Variants in DMD observed in about 807,000 individuals in gnomAD.
DMD encodes dystrophin.
A neutral mutation model predicts 330.1 loss-of-function variants in DMD; 63 were observed. The ratio of observed to expected loss-of-function variants is 0.19; its 90% confidence interval spans 0.16 to 0.24. The LOEUF is 0.24. Ranked by LOEUF, DMD falls within the 10% of genes least tolerant of loss-of-function variation. DMD has a pLI of 1.00. For missense variants in DMD, 3,344 were observed against 2,684.1 expected (o/e 1.25, Z -5.43); for synonymous variants, 1,223 against 959.8 (o/e 1.27, Z -5.07).
Position 31,689,680 on chromosome X carries a change from G to A in DMD, c.7661-10094C>T, listed in dbSNP as rs188462550. Among the ~76,000 whole-genome samples the A allele has an allele frequency of 2.0e-3, 222 of 111,237 alleles. 1 individual carries two copies. Among genetic ancestry groups the A allele is most frequent in the Non-Finnish European group, 3.3e-3 (173 of 53,025 alleles). On this transcript the variant is annotated intron_variant, in intron 52 of 78. Transcript: ENST00000357033. ...TTGCCAAGACAATCCTGAGCCAAAA[G>A]AACAAAGCTGGAGGCATCACGCTAC...
chrX:31,386,360 G>A (rs940464546), intron 60 of DMD, among the ~76,000 whole-genome samples: 22 of 111,139 alleles, frequency 2.0e-4, no homozygotes, highest in African/African-American at 6.5e-4. Flanking sequence ...ATGTACCCTA[G>A]AACTTAAACT....
rs1044196642 is a variant in DMD at position 31,341,484 on chromosome X, C to T, written c.9163+7072G>A. Among the ~76,000 whole-genome samples, 7 of 111,940 alleles carry T rather than the reference C, an allele frequency of 6.3e-5. No homozygotes were observed. The East Asian group carries it at 1.4e-3, about 22-fold the overall frequency. On this transcript the variant is annotated intron_variant, in intron 61 of 78. Coordinates refer to ENST00000357033, the MANE Select transcript of DMD (RefSeq NM_004006.3). ...TCATTTTACAGCTTTTACTCTTAAC[C>T]GCTATCGATACCATTTTGATAAGGC...
intron 7 of DMD, among the ~76,000 whole-genome samples, chrX:32,776,310 G>T (rs1452803422): frequency 9.4e-6 from 1 of 105,899 alleles, no homozygotes; most frequent in Non-Finnish European, 1.9e-5. Context: ...TCCAACCTCT[G>T]CCAGTTACCC....
chrX:32,732,671 A>G (rs1569497119), intron 7 of DMD, among the ~76,000 whole-genome samples: 2 of 111,131 alleles, frequency 1.8e-5, no homozygotes, highest in Non-Finnish European at 3.8e-5. Flanking sequence ...TAAGCTTCAT[A>G]AGTAAAGGAG....
At chrX:32,524,667 AT>A (rs1359916746) in intron 17 of DMD, among the ~76,000 whole-genome samples, 1 of 112,374 alleles carries the variant, frequency 8.9e-6, no homozygotes, top group African/African-American at 3.2e-5. Flanking sequence ...GTCTGTGAAG[AT>A]TTTAAGGGAG....
At chrX:32,437,542 C>T (rs767792579) in intron 29 of DMD, among the ~76,000 whole-genome samples, 2 of 112,121 alleles carry the variant, frequency 1.8e-5, no homozygotes, top group Non-Finnish European at 3.8e-5. Flanking sequence ...AAATCAGTAA[C>T]TCTTCCTTAA....
chrX:32,421,683 C>T (rs1468457461), intron 29 of DMD, among the ~76,000 whole-genome samples: 1 of 111,719 alleles, frequency 9.0e-6, no homozygotes, highest in East Asian at 2.8e-4. Context: ...TCTCTATGTC[C>T]TCACCCCACA....
intron 47 of DMD, among the ~76,000 whole-genome samples, chrX:31,905,301 C>T (rs774766672): frequency 1.1e-4 from 12 of 111,094 alleles, no homozygotes; most frequent in East Asian, 2.8e-4. Context: ...CACACAGAGA[C>T]GAATGCTAAG....
At chrX:32,196,426 TTAAA>T (rs2097000569) in intron 44 of DMD, among the ~76,000 whole-genome samples, 1 of 111,990 alleles carries the variant, frequency 8.9e-6, no homozygotes, top group African/African-American at 3.2e-5. Context: ...AACATAAACC[TTAAA>T]TAGTTAAAAC....
chrX:31,641,568 T>C (rs1477994635), intron 54 of DMD, among the ~76,000 whole-genome samples: 1 of 103,147 alleles, frequency 9.7e-6, no homozygotes, highest in African/African-American at 3.6e-5. Flanking sequence ...ACTGGGGAAA[T>C]GACAGAAATA....
rs199583511 is a variant in DMD, at chrX:31,216,278, G to A, written c.9362-6579C>T. Among the ~76,000 whole-genome samples the A allele has an allele frequency of 5.3e-5, 6 of 112,328 alleles. No individual in the cohort carries two copies. In the East Asian group the frequency reaches 1.4e-3, roughly 26 times the overall value. On this transcript the variant is annotated intron_variant, in intron 64 of 78. Transcript: ENST00000357033. The stretch of plus-strand genomic sequence containing the variant: ...ATGGAACCAATAATTACTAGAAAAC[G>A]GAACCTACGAGGTGTTCTTTAATCT...
intron 37 of DMD, among the ~76,000 whole-genome samples, chrX:32,358,850 A>T (rs1323943522): frequency 8.9e-6 from 1 of 111,761 alleles, no homozygotes; most frequent in Non-Finnish European, 1.9e-5. Flanking sequence ...ATACCCATTG[A>T]TATTAATTAT....
rs3795209 is a variant in DMD, at chrX:32,581,276, T to G, written c.1603-7430A>C. Reference sequence around the variant, plus strand: ...TAAAATGCATAAGATAATGTAGGTGTAACAGAATAGGTAGTAATGGGGACT... The same window carrying G: ...TAAAATGCATAAGATAATGTAGGTGGAACAGAATAGGTAGTAATGGGGACT... On this transcript the variant is annotated intron_variant, in intron 13 of 78. Coordinates refer to ENST00000357033, the MANE Select transcript of DMD (RefSeq NM_004006.3). Among the ~76,000 whole-genome samples the G allele has an allele frequency of 1.8e-4, 20 of 112,400 alleles. No individual in the cohort carries two copies. The East Asian group carries it at 5.6e-3, about 31-fold the overall frequency.
rs142500977 is a variant in DMD, at chrX:31,738,616, T to A, written c.7543-8868A>T. On this transcript the variant is annotated intron_variant, in intron 51 of 78. Transcript: ENST00000357033. ...AATAAATCAGTATATTGAAGAGATATCTGCACTCCCATGTTTATTGCAGCG... is the reference window on the plus strand; with the variant it reads ...AATAAATCAGTATATTGAAGAGATAACTGCACTCCCATGTTTATTGCAGCG... Among the ~76,000 whole-genome samples, 336 of 112,249 alleles carry A rather than the reference T, an allele frequency of 3.0e-3. 1 individual carries two copies. Among genetic ancestry groups the A allele is most frequent in the African/African-American group, 0.011 (326 of 30,943 alleles).
At chrX:32,702,880 A>C (rs2064261272) in intron 7 of DMD, among the ~76,000 whole-genome samples, 1 of 111,795 alleles carries the variant, frequency 8.9e-6, no homozygotes, top group Admixed American at 9.5e-5. Context: ...TATAAAGATT[A>C]ATAAACTGAC....
intron 30 of DMD, among the ~76,000 whole-genome samples, chrX:32,403,364 T>C (rs1053271330): frequency 1.8e-5 from 2 of 111,789 alleles, no homozygotes; most frequent in Admixed American, 9.5e-5. Flanking sequence ...GCAAAAGTAA[T>C]TGCAGTTTTT....
intron 44 of DMD, among the ~76,000 whole-genome samples, chrX:32,091,443 T>C (rs1457276750): frequency 9.0e-6 from 1 of 111,621 alleles, no homozygotes; most frequent in Non-Finnish European, 1.9e-5. Context: ...CAATAAATAA[T>C]GGAAGCTTTA....
At chrX:32,483,164 T>TATACAC (rs1481445275) in intron 21 of DMD, among the ~76,000 whole-genome samples, 3 of 61,630 alleles carry the variant, frequency 4.9e-5, no homozygotes, top group Non-Finnish European at 1.0e-4. Context: ...TATATATATA[T>TATACAC]ACACCATATT....
intron 44 of DMD, among the ~76,000 whole-genome samples, chrX:32,094,712 A>T (rs923858876): frequency 3.6e-5 from 4 of 110,749 alleles, no homozygotes; most frequent in Non-Finnish European, 7.5e-5. Flanking sequence ...TATTATACTA[A>T]AATTCATAGG....
Sources: allele counts gnomAD v4.1 joint callset (sites outside exome capture counted in the v4.1 genomes callset), GRCh38; gene constraint gnomAD v4.1.1; transcripts MANE v1.5; gene names NCBI Gene and HGNC (gene_info 2026-07-23, HGNC 2026-07-21).